Variants in HDAC9 observed in about 807,000 individuals in gnomAD.
The protein encoded by HDAC9 is histone deacetylase 9, also known as MEF-2 interacting transcription repressor (MITR) protein.
HDAC9 carries 41 observed loss-of-function variants against 139.4 expected under a neutral mutation model. The observed-to-expected ratio is 0.29, with a 90% confidence interval of 0.23 to 0.38. The LOEUF (loss-of-function observed/expected upper bound fraction) is 0.38. Ranked by LOEUF, HDAC9 falls within the 10% of genes least tolerant of loss-of-function variation. HDAC9 has a pLI of 1.00. For synonymous variants in HDAC9, 517 were observed against 476.2 expected (o/e 1.09, Z -1.12); for missense variants, 1,147 against 1,297.0 (o/e 0.88, Z 1.78).
intron 2 of HDAC9, among the ~76,000 whole-genome samples, chr7:18,508,401 T>C (rs561013680): frequency 6.6e-6 from 1 of 152,326 alleles, no homozygotes; most frequent in Admixed American, 6.5e-5. Flanking sequence ...TTGTTACCTC[T>C]GCTTTGTGGA....
intron 2 of HDAC9, among the ~76,000 whole-genome samples, chr7:18,168,926 T>C (rs1178351): frequency 0.022 from 2,854 of 129,890 alleles, 63 homozygotes; most frequent in Admixed American, 0.063. Flanking sequence ...TGTGTGTGTG[T>C]GCGCGCATGT....
chr7:18,441,576 G>C (rs190154503), intron 1 of HDAC9, among the ~76,000 whole-genome samples: 8 of 152,286 alleles, frequency 5.3e-5, no homozygotes, highest in Admixed American at 5.2e-4. Flanking sequence ...GCATAATATA[G>C]ATTGCAAATT....
At chr7:18,940,850 T>C (rs1781977094) in intron 23 of HDAC9, among the ~76,000 whole-genome samples, 1 of 152,044 alleles carries the variant, frequency 6.6e-6, no homozygotes, top group Admixed American at 6.6e-5. Context: ...TCCTATGGAA[T>C]CTAAAACAAA....
At chr7:18,583,123 T>C (rs1248361423) in intron 2 of HDAC9, among the ~76,000 whole-genome samples, 1 of 152,186 alleles carries the variant, frequency 6.6e-6, no homozygotes, top group Non-Finnish European at 1.5e-5. Context: ...TTTATATTTG[T>C]TTCTAATATG....
At chr7:18,986,479 T>G (rs1269773102) in intron 25 of HDAC9, among the ~76,000 whole-genome samples, 7 of 113,976 alleles carry the variant, frequency 6.1e-5, no homozygotes, top group African/African-American at 1.9e-4. Flanking sequence ...TGTAGCCTTG[T>G]AGTATAGTTT....
At chr7:18,731,079 G>A (rs913910626) in intron 13 of HDAC9, among the ~76,000 whole-genome samples, 3 of 152,194 alleles carry the variant, frequency 2.0e-5, no homozygotes, top group Non-Finnish European at 2.9e-5. Flanking sequence ...GTGGGGCACT[G>A]TAAGACTTCA....
At chr7:18,120,435 G>A (rs527901004) in intron 1 of HDAC9, among the ~76,000 whole-genome samples, 26 of 152,148 alleles carry the variant, frequency 1.7e-4, no homozygotes, top group African/African-American at 6.0e-4. Context: ...CATTAGAGAC[G>A]GAGCCAGCAT....
intron 1 of HDAC9, among the ~76,000 whole-genome samples, chr7:18,111,586 C>T (rs1036550702): frequency 1.3e-5 from 2 of 152,092 alleles, no homozygotes; most frequent in African/African-American, 4.8e-5. Flanking sequence ...TAAATCGTCT[C>T]TATATTACTA....
intron 2 of HDAC9, among the ~76,000 whole-genome samples, chr7:18,581,431 T>G (rs1827798171): frequency 6.6e-6 from 1 of 152,136 alleles, no homozygotes; most frequent in African/African-American, 2.4e-5. Context: ...GGTTAAGAAG[T>G]CAAATTACCC....
At chr7:18,194,950 G>GTGTGTGTA (rs1258736262) in intron 2 of HDAC9, among the ~76,000 whole-genome samples, 3 of 152,048 alleles carry the variant, frequency 2.0e-5, no homozygotes, top group Admixed American at 1.3e-4. Flanking sequence ...GTGTGTGTGT[G>GTGTGTGTA]TGTGTGTGTG....
At position 18,240,022 on chromosome 7, in the gene HDAC9, A is replaced by G. The variant is rs767462372; in HGVS notation, c.25+77673A>G. 2.3e-4 allele frequency among the ~76,000 whole-genome samples: 34 copies of G among 146,710 alleles called. 1 individual carries two copies. Among genetic ancestry groups the G allele is most frequent in the Middle Eastern group, 7.4e-3 (2 of 272 alleles). ...CAGGACAGAAAACTTCGGTGTTTCT[A>G]AAGTTTATTTAGTCGGTCTCATCTC... On this transcript the variant is annotated intron_variant, in intron 2 of 12. Coordinates refer to the HDAC9 transcript ENST00000417496.
chr7:18,775,333 G>A (rs138376149), intron 16 of HDAC9, among the ~76,000 whole-genome samples: 16 of 152,166 alleles, frequency 1.1e-4, no homozygotes, highest in Non-Finnish European at 1.9e-4. Context: ...TTAACTTGGC[G>A]TTGCCACAAA....
intron 1 of HDAC9, among the ~76,000 whole-genome samples, chr7:18,422,499 C>T (rs1789714077): frequency 6.6e-6 from 1 of 152,054 alleles, no homozygotes; most frequent in South Asian, 2.1e-4. Context: ...CCACTTTGCC[C>T]AGTTTCTGTC....
Position 18,727,639 on chromosome 7 carries a change from G to C in HDAC9, c.1791G>C (p.Ala597=), listed in dbSNP as rs1785659915. Residue 597 remains alanine (A), a synonymous_variant, in exon 13 of 26, where the codon GCG becomes GCC. Coordinates refer to ENST00000686413, the MANE Select transcript of HDAC9 (RefSeq NM_178425.4). ...ALSVRQAPLA[A]VGMDGLEKHR... ...CTGTGCGCCAAGCTCCGCTGGCTGC[G>C]GTTGGCATGGATGGATTAGAGAAAC... 1.3e-6 allele frequency: 2 copies of C among 1,590,012 alleles called. No individual in the cohort carries two copies. Among genetic ancestry groups the C allele is most frequent in the South Asian group, 1.2e-5 (1 of 86,950 alleles).
chr7:18,539,804 C>T (rs115275296), intron 2 of HDAC9, among the ~76,000 whole-genome samples: 3 of 151,878 alleles, frequency 2.0e-5, no homozygotes, highest in African/African-American at 7.3e-5. Flanking sequence ...TCTTCTACAT[C>T]TTGCTTGTGA....
In HDAC9 at chr7:18,628,328, T is replaced by C. The variant is rs76375713; in HGVS notation, c.665-1022T>C. ...CTGTCTGTCTGTTTTGGTTTCCTCA[T>C]TGATCTAATCAAATTATAAATAGGC... On this transcript the variant is annotated intron_variant, in intron 6 of 25. Transcript: ENST00000686413. Among the ~76,000 whole-genome samples the C allele has an allele frequency of 2.0e-3, 308 of 152,310 alleles. 1 individual carries two copies. Among genetic ancestry groups the C allele is most frequent in the Non-Finnish European group, 3.5e-3 (240 of 68,024 alleles).
At chr7:18,086,903 C>CGCGGCGGCGGCGGCG (rs535747379), upstream of HDAC9, 14 of 144,552 alleles carry the variant, frequency 9.7e-5, no homozygotes, top group East Asian at 2.2e-3. Context: ...GCCCCCCCCG[C>CGCGGCGGCGGCGGCG]GCGGCGGCGG....
chr7:18,433,410 A>G (rs566120224), intron 1 of HDAC9, among the ~76,000 whole-genome samples: 20 of 152,328 alleles, frequency 1.3e-4, no homozygotes, highest in African/African-American at 4.6e-4. Context: ...AGGCAAGAGA[A>G]GGAAATAAAA....
At chr7:18,344,184 C>G (rs991722148) in intron 1 of HDAC9, among the ~76,000 whole-genome samples, 4 of 151,890 alleles carry the variant, frequency 2.6e-5, no homozygotes, top group East Asian at 1.9e-4. Context: ...AATGTCTTTT[C>G]AAAAATTATT....
Sources: allele counts gnomAD v4.1 joint callset (sites outside exome capture counted in the v4.1 genomes callset), GRCh38; gene constraint gnomAD v4.1.1; transcripts MANE v1.5; gene names NCBI Gene and HGNC (gene_info 2026-07-23, HGNC 2026-07-21).